PHTF2: variants seen among roughly 807,000 people sequenced by gnomAD.
The protein encoded by PHTF2 is putative homeodomain transcription factor 2.
A neutral mutation model predicts 101.2 loss-of-function variants in PHTF2; 60 were observed. The observed-to-expected ratio is 0.59, with a 90% CI of 0.48 to 0.73. PHTF2 has a LOEUF of 0.73. Among genes scored for constraint, PHTF2 ranks in the 30% least tolerant of loss-of-function variants. The probability of loss-of-function intolerance (pLI) is 0.00; values close to 1 mark genes in which losing one functional copy is unlikely to be tolerated. For missense variants in PHTF2, 747 were observed against 908.7 expected, an observed-to-expected ratio of 0.82 and a Z score of 2.29; for synonymous variants, 311 against 307.3, an observed-to-expected ratio of 1.01 and a Z score of -0.13.
Position 77,910,308 on chromosome 7 carries a change from T to C in PHTF2, c.675T>C (p.Asp225=), listed in dbSNP as rs61736552. The C allele has an allele frequency of 2.6e-5, 42 of 1,613,604 alleles. No individual in the cohort carries two copies. In the African/African-American group the frequency reaches 4.4e-4, roughly 17 times the overall value. Reference sequence around the variant, plus strand: ...AAGGAGATGGTTCTAGTACCACAGATAACACACAAGAGGGAGCAGTTCAGA... The same window carrying C: ...AAGGAGATGGTTCTAGTACCACAGACAACACACAAGAGGGAGCAGTTCAGA... Residue 225 remains aspartate, a synonymous_variant, in exon 9 of 20, where the codon GAT becomes GAC. Coordinates refer to ENST00000416283, the Ensembl canonical transcript of PHTF2.
Position 77,854,833 on chromosome 7 carries a change from T to A in PHTF2, c.146T>A (p.Leu49Ter). 1.3e-6 allele frequency: 1 copy of A among 758,012 alleles called. No individual in the cohort carries two copies. Among genetic ancestry groups the A allele is most frequent in the Non-Finnish European group, 2.4e-6 (1 of 414,100 alleles). 47.0% of individuals were successfully genotyped at this position (758,012 alleles called of 1,614,324 possible). A position where few individuals can be genotyped will look rare whatever the true frequency, so the allele number is the denominator to read the frequency against. ...GACCAAGGGCTCTTCATTCAGTGTT[T>A]GGTGAGTAATGCCAGGCCTGTTCTC... The change falls in exon 3 of 20, where the codon TTG becomes TAG. Residue 49 changes from leucine (L) to a stop codon, truncating the protein, a stop_gained and splice_region_variant. Transcript: ENST00000416283. LOFTEE classifies it high-confidence loss of function.
rs568019716 is a variant in PHTF2 at position 77,875,588 on chromosome 7, C to T, written c.148-18020C>T. 1.4e-4 allele frequency among the ~76,000 whole-genome samples: 21 copies of T among 151,758 alleles called. 1 individual carries two copies. In the South Asian group the frequency reaches 3.7e-3, roughly 27 times the overall value. The stretch of plus-strand genomic sequence containing the variant: ...TTATTATTTTTTTGACATGGAGTCT[C>T]GCTGTGTTGCCCAGGCTGGAGTGCG... On this transcript the variant is annotated intron_variant, in intron 3 of 19. Coordinates refer to ENST00000416283, the Ensembl canonical transcript of PHTF2.
intron 17 of PHTF2, among the ~76,000 whole-genome samples, chr7:77,950,472 C>A (rs1286513916): frequency 6.6e-6 from 1 of 151,914 alleles, no homozygotes; most frequent in African/African-American, 2.4e-5. Context: ...ACCAGCCTGG[C>A]CAACAAGGTG....
intron 1 of PHTF2, among the ~76,000 whole-genome samples, chr7:77,818,733 G>A (rs940304523): frequency 6.6e-6 from 1 of 152,114 alleles, no homozygotes; most frequent in Non-Finnish European, 1.5e-5. Flanking sequence ...GCTATTCAGA[G>A]GCTTTTGTAG....
intron 1 of PHTF2, among the ~76,000 whole-genome samples, chr7:77,808,416 G>A (rs1435602002): frequency 6.6e-6 from 1 of 151,926 alleles, no homozygotes; most frequent in Non-Finnish European, 1.5e-5. Flanking sequence ...GTCATTTGTG[G>A]GTCTGATTCT....
At chr7:77,945,839 A>G (rs976351954) in intron 16 of PHTF2, among the ~76,000 whole-genome samples, 1 of 152,230 alleles carries the variant, frequency 6.6e-6, no homozygotes, top group Admixed American at 6.5e-5. Context: ...AGTTTAAAAT[A>G]TGCCACCAAC....
chr7:77,825,520 TAGATCCCTAACTAGGGAG>T (rs1794637801), intron 1 of PHTF2, among the ~76,000 whole-genome samples: 1 of 152,222 alleles, frequency 6.6e-6, no homozygotes, highest in South Asian at 2.1e-4. Flanking sequence ...GAAGGTAGGC[TAGATCCCTAACTAGGGAG>T]ATCAGTCTTG....
At chr7:77,899,526 C>G (rs1161362200) in intron 5 of PHTF2, among the ~76,000 whole-genome samples, 2 of 151,872 alleles carry the variant, frequency 1.3e-5, no homozygotes, top group African/African-American at 4.8e-5. Flanking sequence ...TAACTTTTAC[C>G]CTGTCTCCTT....
intron 12 of PHTF2, among the ~76,000 whole-genome samples, chr7:77,930,721 T>C (rs1804488984): frequency 6.6e-6 from 1 of 152,196 alleles, no homozygotes; most frequent in Non-Finnish European, 1.5e-5. Flanking sequence ...TGGTTCTTGG[T>C]AAAGGTTCTC....
chr7:77,908,839 A>G (rs375153750), exon 8 of PHTF2: 2 of 1,612,030 alleles, frequency 1.2e-6, no homozygotes, highest in Non-Finnish European at 1.7e-6. Context: ...CACACAGCAT[A>G]CCTCTGACAG....
chr7:77,839,955 T>A (rs1795743355), intron 1 of PHTF2, among the ~76,000 whole-genome samples: 1 of 152,032 alleles, frequency 6.6e-6, no homozygotes. Context: ...GAAATTTCTT[T>A]AAAAGATTAA....
intron 10 of PHTF2, among the ~76,000 whole-genome samples, chr7:77,921,547 A>G (rs1486791857): frequency 3.3e-5 from 5 of 152,216 alleles, no homozygotes; most frequent in African/African-American, 9.6e-5. Flanking sequence ...ACGTTCATGT[A>G]TTTTCAGTAC....
Position 77,937,709 on chromosome 7 carries a change from G to A in PHTF2, c.1339-1G>A. 2 of 1,178,288 alleles carry A rather than the reference G, an allele frequency of 1.7e-6. No homozygotes were observed. Among genetic ancestry groups the A allele is most frequent in the Non-Finnish European group, 2.3e-6 (2 of 888,528 alleles). The allele number at this position is 1,178,288 out of a possible 1,614,324, so 73.0% of individuals were successfully genotyped here. A position where few individuals can be genotyped will look rare whatever the true frequency, so the allele number is the denominator to read the frequency against. On this transcript the variant is annotated splice_acceptor_variant, in intron 12 of 19. Coordinates refer to ENST00000416283, the Ensembl canonical transcript of PHTF2. LOFTEE classifies it high-confidence loss of function. ...TTTACTAATTTTTTTTTTTTTTATA[G>A]AGTCATTTGCCCTGGCTCCATAGTT...
exon 20 of PHTF2, chr7:77,955,099 TAGTTGTTGA>T (rs1278915598): frequency 6.9e-5 from 20 of 288,734 alleles, no homozygotes; most frequent in Admixed American, 4.2e-4. Flanking sequence ...TTGATGTACT[TAGTTGTTGA>T]AAGGGTGATG....
intron 9 of PHTF2, among the ~76,000 whole-genome samples, chr7:77,915,303 C>T (rs977656286): frequency 1.3e-5 from 2 of 151,854 alleles, no homozygotes; most frequent in African/African-American, 4.8e-5. Context: ...ACTGCAACCT[C>T]CGCCTCCCGG....
At chr7:77,839,024 C>G (rs1288747327) in intron 1 of PHTF2, among the ~76,000 whole-genome samples, 2 of 152,092 alleles carry the variant, frequency 1.3e-5, no homozygotes, top group Non-Finnish European at 2.9e-5. Context: ...CATGCATGCT[C>G]CCACTCATCA....
chr7:77,836,425 C>T (rs1024158792), intron 1 of PHTF2, among the ~76,000 whole-genome samples: 2 of 152,174 alleles, frequency 1.3e-5, no homozygotes, highest in South Asian at 2.1e-4. Context: ...TCCGTAAAGG[C>T]AGACTTAACA....
chr7:77,885,988 A>C (rs1799809224), intron 3 of PHTF2, among the ~76,000 whole-genome samples: 1 of 152,222 alleles, frequency 6.6e-6, no homozygotes, highest in Admixed American at 6.5e-5. Flanking sequence ...GGGCTTTGAC[A>C]TACAGTATTA....
chr7:77,893,973 T>C lies in PHTF2; in HGVS notation c.205-9T>C, dbSNP rs764890809. On this transcript the variant is annotated splice_polypyrimidine_tract_variant and intron_variant, in intron 4 of 19. Transcript: ENST00000416283. ...TTCTCCCTTTTGATGCTGTCATTGC[T>C]CTGTACAGTTTATTAAACTGGTAAG... The C allele has an allele frequency of 1.3e-6, 2 of 1,596,392 alleles. No individual in the cohort carries two copies. Among genetic ancestry groups the C allele is most frequent in the East Asian group, 2.2e-5 (1 of 44,758 alleles).
Sources: gnomAD v4.1 joint callset for allele counts (sites outside exome capture counted in the v4.1 genomes callset) on GRCh38, gnomAD v4.1.1 for gene constraint, MANE v1.5 for transcripts, NCBI Gene and HGNC (gene_info 2026-07-23, HGNC 2026-07-21) for gene names.